The following GPR158 variants were observed in gnomAD, a reference collection of about 807,000 sequenced individuals.
The protein encoded by GPR158 is G protein-coupled receptor 158.
GPR158 carries 30 observed loss-of-function variants against 78.2 expected under a neutral mutation model. That is an observed-to-expected ratio of 0.38 (90% CI 0.29 to 0.52). GPR158 has a LOEUF of 0.52. Ranked by LOEUF, GPR158 falls within the 20% of genes least tolerant of loss-of-function variation. The probability of loss-of-function intolerance (pLI) is 0.83; values close to 1 mark genes in which losing one functional copy is unlikely to be tolerated. For missense variants in GPR158, 1,463 were observed against 1,523.5 expected (o/e 0.96, Z 0.66); for synonymous variants, 581 against 591.1 (o/e 0.98, Z 0.25).
At chr10:25,284,542 G>A (rs1854320133) in intron 2 of GPR158, among the ~76,000 whole-genome samples, 1 of 147,604 alleles carries the variant, frequency 6.8e-6, no homozygotes, top group Non-Finnish European at 1.5e-5. Context: ...CTTTTATATA[G>A]CATATATTTA....
At chr10:25,480,935 G>C (rs12264207) in intron 5 of GPR158, among the ~76,000 whole-genome samples, 1 of 152,118 alleles carries the variant, frequency 6.6e-6, no homozygotes, top group African/African-American at 2.4e-5. Flanking sequence ...AGACACCTTC[G>C]TGGCTCTTGT....
At chr10:25,185,407 G>A (rs1852668931) in intron 1 of GPR158, among the ~76,000 whole-genome samples, 1 of 152,166 alleles carries the variant, frequency 6.6e-6, no homozygotes, top group South Asian at 2.1e-4. Context: ...ACATTGGTAT[G>A]TCATCAGGGC....
At chr10:25,306,852 G>C (rs972655657) in intron 2 of GPR158, among the ~76,000 whole-genome samples, 1 of 152,018 alleles carries the variant, frequency 6.6e-6, no homozygotes, top group Admixed American at 6.6e-5. Context: ...GACTTCTAGT[G>C]TGTCTTCTTG....
intron 2 of GPR158, among the ~76,000 whole-genome samples, chr10:25,295,615 A>C (rs1041187779): frequency 6.6e-6 from 1 of 151,928 alleles, no homozygotes; most frequent in Non-Finnish European, 1.5e-5. Flanking sequence ...GGGTTTCACC[A>C]TGTTAGCCAG....
intron 5 of GPR158, among the ~76,000 whole-genome samples, chr10:25,494,444 C>T (rs1403507440): frequency 6.6e-6 from 1 of 152,118 alleles, no homozygotes; most frequent in Non-Finnish European, 1.5e-5. Context: ...TCAGAGATAA[C>T]TGTCATTAGT....
intron 2 of GPR158, among the ~76,000 whole-genome samples, chr10:25,385,372 TG>T (rs11352377): frequency 0.64 from 97,946 of 151,914 alleles, 32,549 homozygotes; most frequent in Non-Finnish European, 0.73. Context: ...TATTTGTTGA[TG>T]GGTATTTGGG....
intron 3 of GPR158, among the ~76,000 whole-genome samples, chr10:25,406,347 C>T (rs1834515364): frequency 6.6e-6 from 1 of 152,116 alleles, no homozygotes. Context: ...GGGATCCCAG[C>T]AGGATTGATC....
chr10:25,515,448 C>T (rs1836152639), intron 5 of GPR158, among the ~76,000 whole-genome samples: 1 of 148,834 alleles, frequency 6.7e-6, no homozygotes, highest in Admixed American at 6.7e-5. Context: ...ATACATGTGC[C>T]ATGCTGGTGC....
At chr10:25,192,596 G>C (rs540715706) in intron 1 of GPR158, among the ~76,000 whole-genome samples, 1 of 152,060 alleles carries the variant, frequency 6.6e-6, no homozygotes, top group African/African-American at 2.4e-5. Context: ...GCCTCTTACT[G>C]TTGTAAAGAG....
intron 2 of GPR158, among the ~76,000 whole-genome samples, chr10:25,338,496 C>T (rs144682664): frequency 0.17 from 21,167 of 125,818 alleles, 3,012 homozygotes; most frequent in African/African-American, 0.43. Flanking sequence ...GTATAATATA[C>T]GTATATATAT....
At chr10:25,544,158 A>G (rs1255625996) in intron 5 of GPR158, among the ~76,000 whole-genome samples, 2 of 152,226 alleles carry the variant, frequency 1.3e-5, no homozygotes, top group Non-Finnish European at 2.9e-5. Flanking sequence ...GCAATTATGC[A>G]AGCTCTTCAG....
intron 6 of GPR158, among the ~76,000 whole-genome samples, chr10:25,554,542 T>C (rs1836763637): frequency 6.6e-6 from 1 of 152,112 alleles, no homozygotes; most frequent in South Asian, 2.1e-4. Flanking sequence ...GAGATGAAAA[T>C]AAATGCTATT....
chr10:25,546,523 A>G (rs1307694552), intron 5 of GPR158, among the ~76,000 whole-genome samples: 1 of 152,172 alleles, frequency 6.6e-6, no homozygotes, highest in Non-Finnish European at 1.5e-5. Flanking sequence ...TTCATTTGGC[A>G]TCTTCTTTCC....
intron 8 of GPR158, 85 bp from the exon 9 acceptor site, chr10:25,594,207 G>T: frequency 1.3e-6 from 1 of 744,786 alleles, no homozygotes. Context: ...TTAATACAAT[G>T]AGGAAAAAAG....
chr10:25,481,770 T>C (rs1345765887), intron 5 of GPR158, among the ~76,000 whole-genome samples: 1 of 152,208 alleles, frequency 6.6e-6, no homozygotes, highest in East Asian at 1.9e-4. Context: ...CTTCTCCATA[T>C]CCACACCAAG....
intron 2 of GPR158, among the ~76,000 whole-genome samples, chr10:25,338,532 A>T: frequency 1.3e-5 from 1 of 75,122 alleles, no homozygotes; most frequent in East Asian, 2.6e-4. Context: ...TATATTACGT[A>T]TATTATATAT....
At chr10:25,270,313 C>T (rs1018032006) in intron 2 of GPR158, among the ~76,000 whole-genome samples, 1 of 152,092 alleles carries the variant, frequency 6.6e-6, no homozygotes, top group Non-Finnish European at 1.5e-5. Flanking sequence ...TCTTCTGTTT[C>T]ACCTGAACAG....
chr10:25,481,262 A>T (rs577256492), intron 5 of GPR158, among the ~76,000 whole-genome samples: 1 of 152,256 alleles, frequency 6.6e-6, no homozygotes, highest in South Asian at 2.1e-4. Flanking sequence ...GTGGGTTTAA[A>T]GCAAGCAGGC....
intron 5 of GPR158, among the ~76,000 whole-genome samples, chr10:25,550,525 G>A (rs577179315): frequency 1.3e-5 from 2 of 152,156 alleles, no homozygotes; most frequent in South Asian, 2.1e-4. Context: ...TCACTTGTTC[G>A]TTTTGGACAA....
Sources: gnomAD v4.1 joint callset for allele counts (sites outside exome capture counted in the v4.1 genomes callset) on GRCh38, gnomAD v4.1.1 for gene constraint, MANE v1.5 for transcripts, NCBI Gene and HGNC (gene_info 2026-07-23, HGNC 2026-07-21) for gene names.